Variants in NDOR1 observed in about 807,000 individuals in gnomAD.
The protein encoded by NDOR1 is NADPH dependent diflavin oxidoreductase 1.
In NDOR1, 61 loss-of-function variants were observed where a neutral mutation model predicts 67.2. The observed-to-expected ratio is 0.91, with a 90% CI of 0.74 to 1.12. The LOEUF (loss-of-function observed/expected upper bound fraction) is 1.12, where lower values mean the gene tolerates loss of function less well. Among genes scored for constraint, NDOR1 ranks in the 50% most tolerant of loss-of-function variants. The pLI is 0.00. For synonymous variants in NDOR1, 378 were observed against 343.7 expected (o/e 1.10, Z -1.10); for missense variants, 878 against 802.8 (o/e 1.09, Z -1.13).
chr9:137,214,889 C>T lies in NDOR1; in HGVS notation c.936C>T (p.Ser312=). Residue 312 remains serine, a synonymous_variant, in exon 8 of 14, where the codon TCC becomes TCT. Coordinates refer to ENST00000684003, the MANE Select transcript of NDOR1 (RefSeq NM_014434.4). ...ACATCGCCAGCGTGCCTCGCCGCTC[C>T]TTCTTCGAACTCCTGGCCTGTCTAT... The part of the protein sequence containing the change: ...YLDIASVPRR[S]FFELLACLSL... The T allele has an allele frequency of 6.2e-7, 1 of 1,612,294 alleles. No homozygotes were observed. The highest frequency in any genetic ancestry group is 1.1e-5 in the South Asian group (1 of 91,090).
Position 137,218,472 on chromosome 9 carries a change from G to A in NDOR1, c.*2056G>A, listed in dbSNP as rs897587848. 2.0e-5 allele frequency: 8 copies of A among 397,204 alleles called. No homozygotes were observed. Among genetic ancestry groups the A allele is most frequent in the Admixed American group, 8.9e-5 (2 of 22,594 alleles). 24.6% of individuals were successfully genotyped at this position (397,204 alleles called of 1,614,324 possible). On this transcript the variant is annotated 3_prime_UTR_variant, in exon 14 of 14. Transcript: ENST00000684003. ...GCCCGGCTCTGGACCCTGCGGGAGC[G>A]GGGACCCTGTGCCCGCCGCCTGGCG...
chr9:137,217,194 C>T lies in NDOR1; in HGVS notation c.*778C>T, dbSNP rs1241079189. Among the ~76,000 whole-genome samples, 1 of 152,110 alleles carries T rather than the reference C, an allele frequency of 6.6e-6. No individual in the cohort carries two copies. The highest frequency in any genetic ancestry group is 1.5e-5 in the Non-Finnish European group (1 of 68,020). On this transcript the variant is annotated 3_prime_UTR_variant, in exon 14 of 14. Transcript: ENST00000684003. ...TGCTGGATGGGTGGGCGCCACGGTG[C>T]ACCCTTGTTGGGCTGCCTGTGCCCG...
In NDOR1 at chr9:137,217,477, G is replaced by A. The variant is rs916967620; in HGVS notation, c.*1061G>A. On this transcript the variant is annotated 3_prime_UTR_variant, in exon 14 of 14. Transcript: ENST00000684003. ...ACTGGGAAGGAAAGTCCTGTTGGAG[G>A]AGTTCGGTGGCTGTTCACACCCGCC... 1.3e-5 allele frequency: 2 copies of A among 152,730 alleles called. No individual in the cohort carries two copies. Among genetic ancestry groups the A allele is most frequent in the Admixed American group, 6.5e-5 (1 of 15,292 alleles). 9.5% of individuals were successfully genotyped at this position (152,730 alleles called of 1,614,324 possible).
rs1413644109 is a variant in NDOR1 at position 137,217,316 on chromosome 9, C to T, written c.*900C>T. On this transcript the variant is annotated 3_prime_UTR_variant, in exon 14 of 14. Coordinates refer to ENST00000684003, the MANE Select transcript of NDOR1 (RefSeq NM_014434.4). ...AGTGGGTCGGCTAAGATCTGATCGC[C>T]AGGACTGCGTTCTGGGCAGGTGCTG... The T allele has an allele frequency of 6.5e-6, 1 of 152,790 alleles. No individual in the cohort carries two copies. The highest frequency in any genetic ancestry group is 1.5e-5 in the Non-Finnish European group (1 of 68,416). The allele number at this position is 152,790 out of a possible 1,614,324, so 9.5% of individuals were successfully genotyped here.
intron 9 of NDOR1, 21 bp from the exon 10 acceptor site, chr9:137,215,386 C>T (rs1225472255): frequency 1.9e-6 from 3 of 1,576,188 alleles, no homozygotes; most frequent in Admixed American, 3.3e-5. Flanking sequence ...TCCACCACCC[C>T]CACCCCGCCG....
rs938112078 is a variant in NDOR1 at position 137,217,970 on chromosome 9, A to G, written c.*1554A>G. ...CCCCCAAGGTGCTGAGACTACAGCCAGTGAGCCCCTGCTGGGGGCCAAAGC... is the reference window on the plus strand; with the variant it reads ...CCCCCAAGGTGCTGAGACTACAGCCGGTGAGCCCCTGCTGGGGGCCAAAGC... On this transcript the variant is annotated 3_prime_UTR_variant, in exon 14 of 14. Transcript: ENST00000684003. The G allele has an allele frequency of 1.0e-5, 4 of 398,690 alleles. No individual in the cohort carries two copies. The highest frequency in any genetic ancestry group is 7.1e-5 in the East Asian group (2 of 28,090). The allele number at this position is 398,690 out of a possible 1,614,324, so 24.7% of individuals were successfully genotyped here.
At chr9:137,206,115 G>A (rs1834950272) in intron 1 of NDOR1, 117 bp from the exon 2 acceptor site, 4 of 1,466,170 alleles carry the variant, frequency 2.7e-6, no homozygotes, top group Admixed American at 1.7e-5. Flanking sequence ...CGGTCTGGCT[G>A]CTCACATAAA....
In NDOR1 at chr9:137,209,256, G is replaced by C. The variant is rs542671174; in HGVS notation, c.213+2947G>C. On this transcript the variant is annotated intron_variant, in intron 2 of 13. Transcript: ENST00000684003. ...TGAAGACTGAGTAGGTATGGCAGGG[G>C]ATGTGCAGCGGCTTGGGGGAGAGCT... Among the ~76,000 whole-genome samples the C allele has an allele frequency of 7.2e-5, 11 of 152,308 alleles. 1 individual carries two copies. In the South Asian group the frequency reaches 2.3e-3, roughly 32 times the overall value.
chr9:137,214,951 TC>T lies in NDOR1; in HGVS notation c.999del (p.Phe333LeufsTer59). 1 of 1,613,596 alleles carries T rather than the reference TC, an allele frequency of 6.2e-7. No homozygotes were observed. ...CTGGAGCGGGAGAAGCTGCTGGAGT[TC>T]AGTTCTGCCCAAGGCCAGGAGGAGC... Reference protein sequence around the residue: ...HELEREKLLEFSSAQGQEELF... With the variant: ...HELEREKLLEXSSAQGQEELF... On this transcript the variant is annotated frameshift_variant, in exon 8 of 14. Transcript: ENST00000684003. LOFTEE classifies it high-confidence loss of function.
rs763152924 is a variant in NDOR1 at position 137,215,117 on chromosome 9, C to T, written c.1088C>T (p.Thr363Ile). Residue 363 changes from threonine (T) to isoleucine (I), a missense_variant, in exon 9 of 14, where the codon ACA becomes ATA. Physicochemically the swap from Thr to Ile is moderately conservative, Grantham distance 89. Coordinates refer to ENST00000684003, the MANE Select transcript of NDOR1 (RefSeq NM_014434.4). ...ILEVLCDFPH[T>I]AAAIPPDYLL... is the part of the protein sequence containing the mutation. Reference sequence around the variant, plus strand: ...TAGGTGCTCTGTGACTTCCCGCACACAGCTGCCGCCATCCCTCCCGACTAC... The same window carrying T: ...TAGGTGCTCTGTGACTTCCCGCACATAGCTGCCGCCATCCCTCCCGACTAC... 5.0e-6 allele frequency: 8 copies of T among 1,613,702 alleles called. No homozygotes were observed. Among genetic ancestry groups the T allele is most frequent in the Non-Finnish European group, 6.8e-6 (8 of 1,179,994 alleles).
At position 137,218,924 on chromosome 9, in the gene NDOR1, C is replaced by T. The variant is rs556547906; in HGVS notation, c.*2508C>T. The stretch of plus-strand genomic sequence containing the variant: ...AGGACCCCATTCACCCTGCGGCAGA[C>T]GGGCACCGTACTGGCCACGGGCTGA... On this transcript the variant is annotated 3_prime_UTR_variant, in exon 14 of 14. Transcript: ENST00000684003. 1.6e-5 allele frequency: 5 copies of T among 308,186 alleles called. No individual in the cohort carries two copies. Among genetic ancestry groups the T allele is most frequent in the African/African-American group, 6.4e-5 (3 of 46,680 alleles). The allele number at this position is 308,186 out of a possible 1,614,324, so 19.1% of individuals were successfully genotyped here.
Position 137,212,415 on chromosome 9 carries a change from T to A in NDOR1, c.214-87T>A, listed in dbSNP as rs527702222. ...TCTGCCCCCATCCTACCCACCTGCC[T>A]GTTCCCCTGAGACCCTCCCCTCACC... On this transcript the variant is annotated intron_variant, in intron 2 of 13. Coordinates refer to ENST00000684003, the MANE Select transcript of NDOR1 (RefSeq NM_014434.4). This position sits in a 1 kb window ranked among gnomAD's most constrained non-coding sequence, Gnocchi z 4.3. The A allele has an allele frequency of 3.5e-4, 419 of 1,191,676 alleles. No individual in the cohort carries two copies. In the African/African-American group the frequency reaches 5.7e-3, roughly 16 times the overall value. 73.8% of individuals were successfully genotyped at this position (1,191,676 alleles called of 1,614,324 possible).
intron 3 of NDOR1, among the ~76,000 whole-genome samples, chr9:137,213,206 G>GTGACGTAGGTCCGTGCA (rs755570824): frequency 1.3e-5 from 2 of 151,680 alleles, no homozygotes; most frequent in African/African-American, 4.9e-5. Context: ...TGTTCCGTGC[G>GTGACGTAGGTCCGTGCA]TGACGTAGGT....
rs1835310862 is a variant in NDOR1, at chr9:137,212,531, CCTGCCCTCCA to C, written c.252_261del (p.Thr85ValfsTer107). 7 of 1,614,006 alleles carry C rather than the reference CCTGCCCTCCA, an allele frequency of 4.3e-6. No homozygotes were observed. Among genetic ancestry groups the C allele is most frequent in the Admixed American group, 1.7e-5 (1 of 60,002 alleles). On this transcript the variant is annotated frameshift_variant, in exon 3 of 14. Transcript: ENST00000684003. LOFTEE classifies it high-confidence loss of function. The surrounding 1 kb of genome is among the most constrained non-coding windows in gnomAD (Gnocchi z 4.3). ...TCTGGAGGTTTATATTCCGGAAGAA[CCTGCCCTCCA>C]CTGCCCTCTGTCAGATGGACTTTGC...
rs534461562 is a variant in NDOR1, at chr9:137,209,041, A to G, written c.213+2732A>G. Among the ~76,000 whole-genome samples, 629 of 151,936 alleles carry G rather than the reference A, an allele frequency of 4.1e-3. 7 individuals carry two copies. Among genetic ancestry groups the G allele is most frequent in the African/African-American group, 0.014 (593 of 41,456 alleles). On this transcript the variant is annotated intron_variant, in intron 2 of 13. Transcript: ENST00000684003. The stretch of plus-strand genomic sequence containing the variant: ...GACTACAGGCGCCGCCACCACGCCC[A>G]GCTAATTTTTTGTATTTTTTTAGTA...
Position 137,215,404 on chromosome 9 carries a change from C to G in NDOR1, c.1174-3C>G. 1 of 1,613,074 alleles carries G rather than the reference C, an allele frequency of 6.2e-7. No individual in the cohort carries two copies. The highest frequency in any genetic ancestry group is 8.5e-7 in the Non-Finnish European group (1 of 1,179,542). On this transcript the variant is annotated splice_polypyrimidine_tract_variant and splice_region_variant and intron_variant, in intron 9 of 13. Transcript: ENST00000684003. ...ACCACCCCCACCCCGCCGTCCTCCC[C>G]AGACTCACCCCTCACGGCTGCAGAT...
rs1835321086 is a variant in NDOR1, at chr9:137,212,671, A to T, written c.311+72A>T. The T allele has an allele frequency of 1.2e-5, 17 of 1,410,098 alleles. No homozygotes were observed. The South Asian group carries it at 1.7e-4, about 14-fold the overall frequency. 87.3% of individuals were successfully genotyped at this position (1,410,098 alleles called of 1,614,324 possible). ...CGAGCAACAGGTGTGCTGGCAGAGG[A>T]CCGAGACCAGCTTCCAGGGTCGGCC... On this transcript the variant is annotated intron_variant, in intron 3 of 13. Coordinates refer to ENST00000684003, the MANE Select transcript of NDOR1 (RefSeq NM_014434.4). The surrounding 1 kb of genome is among the most constrained non-coding windows in gnomAD (Gnocchi z 4.3).
Position 137,212,670 on chromosome 9 carries a change from G to T in NDOR1, c.311+71G>T. On this transcript the variant is annotated intron_variant, in intron 3 of 13. Coordinates refer to ENST00000684003, the MANE Select transcript of NDOR1 (RefSeq NM_014434.4). This position sits in a 1 kb window ranked among gnomAD's most constrained non-coding sequence, Gnocchi z 4.3. Reference sequence around the variant, plus strand: ...TCGAGCAACAGGTGTGCTGGCAGAGGACCGAGACCAGCTTCCAGGGTCGGC... The same window carrying T: ...TCGAGCAACAGGTGTGCTGGCAGAGTACCGAGACCAGCTTCCAGGGTCGGC... 7.0e-7 allele frequency: 1 copy of T among 1,423,772 alleles called. No homozygotes were observed. Among genetic ancestry groups the T allele is most frequent in the Non-Finnish European group, 9.9e-7 (1 of 1,008,836 alleles). The allele number at this position is 1,423,772 out of a possible 1,614,324, so 88.2% of individuals were successfully genotyped here.
chr9:137,215,239 T>G (rs1349394320), intron 9 of NDOR1, 37 bp downstream of exon 9: 1 of 1,588,570 alleles, frequency 6.3e-7, no homozygotes, highest in East Asian at 2.3e-5. Context: ...GGACCGGCCC[T>G]GGGAAAGCTG....
Sources: gnomAD v4.1 joint callset for allele counts (sites outside exome capture counted in the v4.1 genomes callset) on GRCh38, gnomAD v4.1.1 for gene constraint, Gnocchi (gnomAD v3.1) non-coding constraint, MANE v1.5 for transcripts, NCBI Gene and HGNC (gene_info 2026-07-23, HGNC 2026-07-21) for gene names.